The following TRPS1 variants were observed in gnomAD, a reference collection of about 807,000 sequenced individuals.
TRPS1 encodes the protein transcriptional repressor GATA binding 1, also known as zinc finger transcription factor Trps1.
In TRPS1, 6 loss-of-function variants were observed where a neutral mutation model predicts 101.2. The observed-to-expected ratio is 0.06, with a 90% CI of 0.03 to 0.12. The LOEUF (loss-of-function observed/expected upper bound fraction) is 0.12. Ranked by LOEUF, TRPS1 falls within the 10% of genes least tolerant of loss-of-function variation. TRPS1 has a pLI of 1.00. For missense variants in TRPS1, 1,363 were observed against 1,567.0 expected, an observed-to-expected ratio of 0.87 and a Z score of 2.20; for synonymous variants, 578 against 589.8, an observed-to-expected ratio of 0.98 and a Z score of 0.29.
At chr8:115,454,537 T>C (rs1813966244) in intron 5 of TRPS1, among the ~76,000 whole-genome samples, 1 of 152,186 alleles carries the variant, frequency 6.6e-6, no homozygotes, top group South Asian at 2.1e-4. Context: ...CCAAAGATAC[T>C]GATGCTTGAT....
intron 5 of TRPS1, among the ~76,000 whole-genome samples, chr8:115,582,732 T>C (rs1040526896): frequency 2.6e-5 from 4 of 152,148 alleles, no homozygotes; most frequent in African/African-American, 9.7e-5. Context: ...TGGTTGAGCA[T>C]CTCCGCTGAA....
rs537278087 is a variant in TRPS1, at chr8:115,457,730, C to A, written c.2701-39278G>T. Among the ~76,000 whole-genome samples, 108 of 152,152 alleles carry A rather than the reference C, an allele frequency of 7.1e-4. 1 individual carries two copies. The highest frequency in any genetic ancestry group is 2.6e-4 in the Non-Finnish European group (18 of 68,022). On this transcript the variant is annotated intron_variant, in intron 5 of 6. Transcript: ENST00000395715. The stretch of plus-strand genomic sequence containing the variant: ...CCTAAACGACCACTAACGCTGGACC[C>A]AATTCAACATTTACAAAGGTGGAAA...
rs981450349 is a variant in TRPS1, at chr8:115,604,660, T to C, written c.1309A>G (p.Arg437Gly). Residue 437 changes from arginine (R) to glycine (G), a missense_variant, in exon 4 of 7, where the codon AGA (arginine) becomes GGA (glycine). Coordinates refer to ENST00000395715, the MANE Select transcript of TRPS1 (RefSeq NM_014112.5). This position sits in a 1 kb window ranked among gnomAD's most constrained non-coding sequence, Gnocchi z 4.1. ...CTGGTGGCCTCTGTACCATTTTGTC[T>C]AGAGGAATCGAGGGGCTTTATGGGC... ...SVPIKPLDSS[R>G]QNGTEATSYY... 6 of 1,613,914 alleles carry C rather than the reference T, an allele frequency of 3.7e-6. No individual in the cohort carries two copies. The highest frequency in any genetic ancestry group is 5.1e-6 in the Non-Finnish European group (6 of 1,180,006).
At chr8:115,485,246 C>T (rs1186069717) in intron 5 of TRPS1, among the ~76,000 whole-genome samples, 1 of 152,154 alleles carries the variant, frequency 6.6e-6, no homozygotes, top group African/African-American at 2.4e-5. Context: ...ACAGTGGTCT[C>T]CGGCCAACAG....
At chr8:115,481,774 G>A (rs1410549007) in intron 5 of TRPS1, among the ~76,000 whole-genome samples, 3 of 152,124 alleles carry the variant, frequency 2.0e-5, no homozygotes, top group Non-Finnish European at 4.4e-5. Context: ...CCCCCTCTGA[G>A]TTTTTCTAAA....
chr8:115,627,221 T>G (rs1818528560), intron 1 of TRPS1, among the ~76,000 whole-genome samples: 1 of 151,724 alleles, frequency 6.6e-6, no homozygotes, highest in Non-Finnish European at 1.5e-5. Context: ...GCAAATGTAT[T>G]AAAATCCCTG....
chr8:115,522,400 G>C (rs1225520376), intron 5 of TRPS1, among the ~76,000 whole-genome samples: 1 of 151,934 alleles, frequency 6.6e-6, no homozygotes, highest in African/African-American at 2.4e-5. Flanking sequence ...CAAGCAATGG[G>C]GGAGAAAAGT....
At chr8:115,635,109 T>TC (rs1288284536) in intron 1 of TRPS1, among the ~76,000 whole-genome samples, 8 of 152,302 alleles carry the variant, frequency 5.3e-5, no homozygotes, top group African/African-American at 1.9e-4. Flanking sequence ...ATAGCACTGT[T>TC]CAAGAATATT....
chr8:115,664,105 A>G (rs572094367), intron 1 of TRPS1, among the ~76,000 whole-genome samples: 1 of 152,214 alleles, frequency 6.6e-6, no homozygotes, highest in South Asian at 2.1e-4. Flanking sequence ...CCCTACTTAC[A>G]TCGGAGGATA....
At chr8:115,588,237 G>A (rs1256490624) in intron 4 of TRPS1, among the ~76,000 whole-genome samples, 1 of 152,034 alleles carries the variant, frequency 6.6e-6, no homozygotes, top group Non-Finnish European at 1.5e-5. Context: ...AAGAAATAAA[G>A]TGTTCTTTTC....
chr8:115,630,931 C>A (rs1414134053), intron 1 of TRPS1, among the ~76,000 whole-genome samples: 1 of 152,050 alleles, frequency 6.6e-6, no homozygotes, highest in African/African-American at 2.4e-5. Flanking sequence ...TACAAGAGAA[C>A]ACAATCTACA....
chr8:115,425,676 CTATTTCCCCATGTA>C (rs1383148405), intron 5 of TRPS1, among the ~76,000 whole-genome samples: 1 of 152,192 alleles, frequency 6.6e-6, no homozygotes, highest in African/African-American at 2.4e-5. Flanking sequence ...CAGAAAATCA[CTATTTCCCCATGTA>C]TATCCCACTC....
Position 115,603,977 on chromosome 8 carries a change from C to A in TRPS1, c.1992G>T (p.Leu664=). The A allele has an allele frequency of 1.2e-6, 2 of 1,613,970 alleles. No individual in the cohort carries two copies. The highest frequency in any genetic ancestry group is 2.2e-5 in the South Asian group (2 of 91,082). The change falls in exon 4 of 7, where the codon CTG becomes CTT. Residue 664 remains leucine (L), a synonymous_variant. Coordinates refer to ENST00000395715, the MANE Select transcript of TRPS1 (RefSeq NM_014112.5). ...ASDVKQEANH[L]QGSDGQQSVK... Reference sequence around the variant, plus strand: ...CAGACTGCTGCCCATCCGATCCTTGCAGGTGATTTGCTTCTTGTTTGACAT... The same window carrying A: ...CAGACTGCTGCCCATCCGATCCTTGAAGGTGATTTGCTTCTTGTTTGACAT...
At chr8:115,658,257 G>C (rs1811719636) in intron 1 of TRPS1, among the ~76,000 whole-genome samples, 1 of 152,044 alleles carries the variant, frequency 6.6e-6, no homozygotes, top group Admixed American at 6.6e-5. Flanking sequence ...ACTCCTGAAG[G>C]AAAACAGCAC....
chr8:115,535,784 A>G (rs1289189742), intron 5 of TRPS1, among the ~76,000 whole-genome samples: 1 of 150,912 alleles, frequency 6.6e-6, no homozygotes, highest in Non-Finnish European at 1.5e-5. Context: ...AGACTGTCAT[A>G]TATATATATA....
chr8:115,570,625 T>C (rs1205217353), intron 5 of TRPS1, among the ~76,000 whole-genome samples: 1 of 151,756 alleles, frequency 6.6e-6, no homozygotes, highest in Non-Finnish European at 1.5e-5. Context: ...TTCTACTGTG[T>C]CCCATACTTG....
chr8:115,470,965 T>C (rs1257627107), intron 5 of TRPS1, among the ~76,000 whole-genome samples: 1 of 152,224 alleles, frequency 6.6e-6, no homozygotes, highest in African/African-American at 2.4e-5. Context: ...AGCACTTATC[T>C]GTACAACATA....
intron 5 of TRPS1, among the ~76,000 whole-genome samples, chr8:115,431,786 T>C (rs1813324784): frequency 6.6e-6 from 1 of 151,950 alleles, no homozygotes; most frequent in African/African-American, 2.4e-5. Flanking sequence ...AGATTATAAA[T>C]AAAGTTGACT....
chr8:115,415,428 T>G (rs1812895404), intron 6 of TRPS1, among the ~76,000 whole-genome samples: 1 of 152,188 alleles, frequency 6.6e-6, no homozygotes, highest in African/African-American at 2.4e-5. Context: ...TTCTGAAATT[T>G]TTTTTCAATT....
Sources: gnomAD v4.1 joint callset for allele counts (sites outside exome capture counted in the v4.1 genomes callset) on GRCh38, gnomAD v4.1.1 for gene constraint, Gnocchi (gnomAD v3.1) non-coding constraint, MANE v1.5 for transcripts, NCBI Gene and HGNC (gene_info 2026-07-23, HGNC 2026-07-21) for gene names.